The following AKAP8 variants were observed in gnomAD, a reference collection of about 807,000 sequenced individuals.
AKAP8 encodes A-kinase anchoring protein 8.
In AKAP8, 24 loss-of-function variants were observed where a neutral mutation model predicts 67.5. The observed-to-expected ratio is 0.36, with a 90% CI of 0.26 to 0.50. AKAP8 has a LOEUF of 0.50. Ranked by LOEUF, AKAP8 falls within the 20% of genes least tolerant of loss-of-function variation. The pLI is 0.97. For synonymous variants in AKAP8, 400 were observed against 371.1 expected (o/e 1.08, Z -0.90); for missense variants, 971 against 955.9 (o/e 1.02, Z -0.21).
intron 8 of AKAP8, chr19:15,368,683 G>A (rs1479329957): frequency 1.0e-6 from 1 of 985,190 alleles, no homozygotes; most frequent in Non-Finnish European, 1.2e-6. Flanking sequence ...CACAGGAGAA[G>A]CCAATTCTCC....
intron 9 of AKAP8, among the ~76,000 whole-genome samples, chr19:15,367,919 G>A (rs1967095113): frequency 1.3e-5 from 2 of 152,230 alleles, no homozygotes; most frequent in Non-Finnish European, 2.9e-5. Flanking sequence ...GGACCACACA[G>A]ACCCACCAGC....
chr19:15,367,827 G>C (rs1020910683), intron 9 of AKAP8, among the ~76,000 whole-genome samples: 1 of 152,242 alleles, frequency 6.6e-6, no homozygotes, highest in Non-Finnish European at 1.5e-5. Flanking sequence ...GACAGTGTCT[G>C]AGATGCCAGA....
chr19:15,366,753 G>A (rs958484006), intron 9 of AKAP8, among the ~76,000 whole-genome samples: 2 of 152,062 alleles, frequency 1.3e-5, no homozygotes, highest in Non-Finnish European at 2.9e-5. Flanking sequence ...GGGAATACAG[G>A]CATGCGCCAC....
rs1237905763 is a variant in AKAP8 at position 15,359,060 on chromosome 19, C to CAACT, written c.1528-2_1529dup (p.Ala511ValfsTer4). 1 of 1,613,848 alleles carries CAACT rather than the reference C, an allele frequency of 6.2e-7. No individual in the cohort carries two copies. The highest frequency in any genetic ancestry group is 8.5e-7 in the Non-Finnish European group (1 of 1,179,922). On this transcript the variant is annotated frameshift_variant and splice_region_variant, in exon 13 of 14. Coordinates refer to ENST00000269701, the MANE Select transcript of AKAP8 (RefSeq NM_005858.4). LOFTEE classifies it high-confidence loss of function. ...TGGTTTTCTTGAACTGTTCAGCAGC[C>CAACT]AACTGCAAAGGGAACCAAATGTGAG...
chr19:15,361,707 T>G (rs1414471131), intron 11 of AKAP8, 22 bp downstream of exon 11: 1 of 1,593,416 alleles, frequency 6.3e-7, no homozygotes, highest in Admixed American at 1.7e-5. Context: ...AGGAAAGCAC[T>G]CATCCTGGGA....
rs1380311984 is a variant in AKAP8 at position 15,362,970 on chromosome 19, C to T, written c.1161-719G>A. 1.3e-5 allele frequency among the ~76,000 whole-genome samples: 2 copies of T among 151,772 alleles called. 1 individual carries two copies. Among genetic ancestry groups the T allele is most frequent in the South Asian group, 4.2e-4 (2 of 4,804 alleles). On this transcript the variant is annotated intron_variant, in intron 9 of 13. Transcript: ENST00000269701. ...GAAGTGAGGAGCGTCTCTGCCCAGCCGCCCATTGTCTGAGATGTGGGGAGC... is the reference window on the plus strand; with the variant it reads ...GAAGTGAGGAGCGTCTCTGCCCAGCTGCCCATTGTCTGAGATGTGGGGAGC...
At chr19:15,362,376 T>C (rs1244527891) in intron 9 of AKAP8, 125 bp from the exon 10 acceptor site, 15 of 745,572 alleles carry the variant, frequency 2.0e-5, no homozygotes, top group Middle Eastern at 3.8e-4. Context: ...CCTCCCCCTC[T>C]CCCTCTCCCC....
At chr19:15,372,451 G>T (rs1304871767) in intron 5 of AKAP8, 104 bp from the exon 6 acceptor site, 2 of 1,457,052 alleles carry the variant, frequency 1.4e-6, no homozygotes, top group East Asian at 2.4e-5. Flanking sequence ...AGGCACAAAA[G>T]GTCTTTTCAA....
Position 15,379,779 on chromosome 19 carries a change from C to G in AKAP8, c.-48G>C, listed in dbSNP as rs771773322. 1 of 1,609,278 alleles carries G rather than the reference C, an allele frequency of 6.2e-7. No homozygotes were observed. The highest frequency in any genetic ancestry group is 8.5e-7 in the Non-Finnish European group (1 of 1,178,414). Reference sequence around the variant, plus strand: ...AGCCCCGTTTACTAGGCGACCACAGCACGCATGCGTTCAGCGCACCTCCGC... The same window carrying G: ...AGCCCCGTTTACTAGGCGACCACAGGACGCATGCGTTCAGCGCACCTCCGC... On this transcript the variant is annotated 5_prime_UTR_variant, in exon 1 of 14. Transcript: ENST00000269701.
intron 1 of AKAP8, chr19:15,379,431 ACTGT>A (rs1194589025): frequency 9.8e-6 from 4 of 409,172 alleles, no homozygotes; most frequent in South Asian, 1.3e-4. Flanking sequence ...AACGGCCCAC[ACTGT>A]CTAAGACGCC....
chr19:15,365,752 G>A (rs1193848356), intron 9 of AKAP8, among the ~76,000 whole-genome samples: 3 of 152,148 alleles, frequency 2.0e-5, no homozygotes, highest in South Asian at 2.1e-4. Context: ...GCCAGGCGCG[G>A]TGGTTCATGC....
intron 12 of AKAP8, among the ~76,000 whole-genome samples, chr19:15,359,476 T>C (rs1000845607): frequency 2.0e-5 from 3 of 152,118 alleles, no homozygotes; most frequent in Non-Finnish European, 2.9e-5. Flanking sequence ...TCCTAGCACG[T>C]TGGGAGGCTG....
intron 9 of AKAP8, 128 bp from the exon 10 acceptor site, chr19:15,362,379 C>CTCCCCACGG (rs1966982500): frequency 2.4e-6 from 2 of 840,056 alleles, no homozygotes; most frequent in East Asian, 2.9e-5. Flanking sequence ...CCCCCTCTCC[C>CTCCCCACGG]TCTCCCCACG....
intron 2 of AKAP8, 23 bp downstream of exon 2, chr19:15,376,953 C>T (rs1179831167): frequency 1.2e-6 from 2 of 1,608,680 alleles, no homozygotes; most frequent in Admixed American, 1.7e-5. Flanking sequence ...CCACGCCTCA[C>T]CCGCAAAGCA....
chr19:15,377,266 A>C (rs1307949806), intron 1 of AKAP8, among the ~76,000 whole-genome samples: 1 of 152,096 alleles, frequency 6.6e-6, no homozygotes, highest in South Asian at 2.1e-4. Flanking sequence ...CTGCAGAGGG[A>C]CCTTGGCCAA....
chr19:15,368,097 G>GT, intron 9 of AKAP8, 138 bp downstream of exon 9: 1 of 1,051,394 alleles, frequency 9.5e-7, no homozygotes. Context: ...ATTGTTTACT[G>GT]TTTTGCCTCC....
At position 15,369,832 on chromosome 19, in the gene AKAP8, G is replaced by A. The variant is rs542108080; in HGVS notation, c.1072+314C>T. ...GAGGAGGGCACAGAAGATGGGCTGG[G>A]GGCCTCTTCTCTCATGTTTCTCCTT... On this transcript the variant is annotated intron_variant, in intron 8 of 13. Coordinates refer to ENST00000269701, the MANE Select transcript of AKAP8 (RefSeq NM_005858.4). The surrounding 1 kb of genome is among the most constrained non-coding windows in gnomAD (Gnocchi z 4.6). Among the ~76,000 whole-genome samples, 2 of 152,320 alleles carry A rather than the reference G, an allele frequency of 1.3e-5. No individual in the cohort carries two copies. The highest frequency in any genetic ancestry group is 1.9e-4 in the East Asian group (1 of 5,194).
At chr19:15,358,095 G>A (rs1966908284) in intron 13 of AKAP8, among the ~76,000 whole-genome samples, 1 of 152,186 alleles carries the variant, frequency 6.6e-6, no homozygotes, top group African/African-American at 2.4e-5. Flanking sequence ...AAGTCAGGTT[G>A]TGGGCTGGGA....
At chr19:15,364,741 A>C (rs1967042405) in intron 9 of AKAP8, among the ~76,000 whole-genome samples, 1 of 150,622 alleles carries the variant, frequency 6.6e-6, no homozygotes, top group Non-Finnish European at 1.5e-5. Flanking sequence ...CACCTGCCTT[A>C]GCCTCCCCAA....
Sources: allele counts gnomAD v4.1 joint callset (sites outside exome capture counted in the v4.1 genomes callset), GRCh38; gene constraint gnomAD v4.1.1; non-coding constraint Gnocchi (gnomAD v3.1); transcripts MANE v1.5; gene names NCBI Gene and HGNC (gene_info 2026-07-23, HGNC 2026-07-21).